Variants in PIWIL3 observed in about 807,000 individuals in gnomAD.
PIWIL3 encodes piwi like RNA-mediated gene silencing 3.
PIWIL3 carries 101 observed loss-of-function variants against 109.7 expected under a neutral mutation model. That is an observed-to-expected ratio of 0.92 (90% CI 0.78 to 1.09). PIWIL3 has a LOEUF of 1.09. PIWIL3 is among the 50% of genes least tolerant of loss of function. The pLI, the probability that PIWIL3 is intolerant of heterozygous loss-of-function variation, is 0.00. For synonymous variants in PIWIL3, 373 were observed against 376.4 expected (o/e 0.99, Z 0.10); for missense variants, 1,031 against 1,072.6 (o/e 0.96, Z 0.54).
intron 14 of PIWIL3, among the ~76,000 whole-genome samples, chr22:24,731,311 C>T (rs922357723): frequency 6.6e-6 from 1 of 152,188 alleles, no homozygotes; most frequent in African/African-American, 2.4e-5. Flanking sequence ...TTTACTGAGT[C>T]TCCAGAAGAA....
chr22:24,756,440 A>G (rs1401530296), intron 5 of PIWIL3, 51 bp downstream of exon 5: 1 of 1,523,476 alleles, frequency 6.6e-7, no homozygotes, highest in Admixed American at 1.8e-5. Flanking sequence ...ATTATAATAA[A>G]GTGAAAACAA....
Position 24,719,824 on chromosome 22 carries a change from T to C in PIWIL3, c.2429A>G (p.Tyr810Cys), listed in dbSNP as rs1922553960. ...ATCTGGGCTCAAGCCAATCGTGTCA[T>C]AGATGACGTTATAATGAGTGGGGGT... ...TVTPTHYNVI[Y>C]DTIGLSPDTV... The change falls in exon 20 of 21, where the codon TAT becomes TGT. Residue 810 changes from tyrosine to cysteine, a missense_variant. Transcript: ENST00000616349. 3 of 1,610,740 alleles carry C rather than the reference T, an allele frequency of 1.9e-6. No homozygotes were observed. Among genetic ancestry groups the C allele is most frequent in the Non-Finnish European group, 2.5e-6 (3 of 1,176,918 alleles).
intron 2 of PIWIL3, 106 bp downstream of exon 2, chr22:24,762,292 C>T (rs928984521): frequency 9.5e-6 from 14 of 1,474,148 alleles, no homozygotes; most frequent in Non-Finnish European, 1.3e-5. Flanking sequence ...TATTAGTCCT[C>T]ACTTAGCACT....
At chr22:24,747,970 A>G (rs1469996482) in intron 12 of PIWIL3, among the ~76,000 whole-genome samples, 1 of 152,218 alleles carries the variant, frequency 6.6e-6, no homozygotes, top group Non-Finnish European at 1.5e-5. Context: ...TATTGAAGAG[A>G]TATCTGTACT....
At chr22:24,736,022 A>G (rs1923637761) in intron 12 of PIWIL3, 130 bp from the exon 13 acceptor site, 1 of 757,222 alleles carries the variant, frequency 1.3e-6, no homozygotes, top group Non-Finnish European at 2.0e-6. Flanking sequence ...TGGCCAATGT[A>G]GGTATTTTTT....
At chr22:24,752,244 G>A (rs1250817313) in intron 8 of PIWIL3, among the ~76,000 whole-genome samples, 1 of 151,996 alleles carries the variant, frequency 6.6e-6, no homozygotes. Context: ...AAATCAAGCT[G>A]CAAACATAGA....
chr22:24,770,602 C>T (rs1248482671), intron 1 of PIWIL3, among the ~76,000 whole-genome samples: 1 of 148,900 alleles, frequency 6.7e-6, no homozygotes, highest in Non-Finnish European at 1.5e-5. Flanking sequence ...GCGGGTGGAT[C>T]ACCTGAGGTC....
rs891253841 is a variant in PIWIL3 at position 24,759,909 on chromosome 22, T to C, written c.183A>G (p.Arg61=). The C allele has an allele frequency of 3.1e-6, 5 of 1,614,134 alleles. No individual in the cohort carries two copies. The highest frequency in any genetic ancestry group is 3.4e-6 in the Non-Finnish European group (4 of 1,180,014). ...EVPVVRPLQP[R]AARGGAGGGA... ...CTCCTCCTGCTCCTCCTCTTGCTGCTCTTGGCTGCAGAGGTCTAACCACTG... is the reference window on the plus strand; with the variant it reads ...CTCCTCCTGCTCCTCCTCTTGCTGCCCTTGGCTGCAGAGGTCTAACCACTG... Residue 61 remains arginine, a synonymous_variant, in exon 3 of 21, where the codon AGA becomes AGG. Coordinates refer to ENST00000616349, the MANE Select transcript of PIWIL3 (RefSeq NM_001255975.1).
In PIWIL3 at chr22:24,719,896, C is replaced by A; in HGVS notation, c.2358-1G>T. 3.1e-6 allele frequency: 5 copies of A among 1,607,174 alleles called. No homozygotes were observed. The highest frequency in any genetic ancestry group is 4.3e-6 in the Non-Finnish European group (5 of 1,174,990). Reference sequence around the variant, plus strand: ...CTGACTCACAATAAAAAAGTCATACCTGGAAATATAGGACATGTGGGTATC... The same window carrying A: ...CTGACTCACAATAAAAAAGTCATACATGGAAATATAGGACATGTGGGTATC... On this transcript the variant is annotated splice_acceptor_variant, in intron 19 of 20. Coordinates refer to ENST00000616349, the MANE Select transcript of PIWIL3 (RefSeq NM_001255975.1). LOFTEE classifies it high-confidence loss of function.
At chr22:24,735,635 T>A in intron 13 of PIWIL3, 73 bp downstream of exon 13, 1 of 1,393,620 alleles carries the variant, frequency 7.2e-7, no homozygotes, top group East Asian at 2.4e-5. Flanking sequence ...ATTCCTACAA[T>A]TTAATATTTT....
At chr22:24,749,044 C>A in intron 11 of PIWIL3, 23 bp from the exon 12 acceptor site, 1 of 1,549,752 alleles carries the variant, frequency 6.5e-7, no homozygotes, top group Non-Finnish European at 8.9e-7. Flanking sequence ...ATATTGCCAA[C>A]ATGATCAAAC....
At chr22:24,721,585 T>C (rs1233616019) in intron 19 of PIWIL3, among the ~76,000 whole-genome samples, 2 of 152,216 alleles carry the variant, frequency 1.3e-5, no homozygotes, top group Non-Finnish European at 2.9e-5. Context: ...CACTGCATTA[T>C]GGGAATTTTG....
At chr22:24,729,922 T>G (rs1002207575) in intron 14 of PIWIL3, among the ~76,000 whole-genome samples, 67 of 151,752 alleles carry the variant, frequency 4.4e-4, no homozygotes, top group Non-Finnish European at 4.4e-5. Context: ...TACTGATGGA[T>G]TCTACTTTTT....
chr22:24,727,873 C>T (rs1923087799), intron 16 of PIWIL3, 77 bp downstream of exon 16: 3 of 1,160,268 alleles, frequency 2.6e-6, no homozygotes, highest in Non-Finnish European at 3.7e-6. Flanking sequence ...TGAGTTAACA[C>T]ATATTAATTA....
At chr22:24,766,956 C>T (rs538255280) in intron 1 of PIWIL3, among the ~76,000 whole-genome samples, 20 of 112,278 alleles carry the variant, frequency 1.8e-4, no homozygotes, top group East Asian at 5.7e-4. Flanking sequence ...ATCAAGACAC[C>T]GTCTCTAAAA....
intron 12 of PIWIL3, among the ~76,000 whole-genome samples, chr22:24,740,787 A>G (rs1388083178): frequency 6.6e-6 from 1 of 152,172 alleles, no homozygotes; most frequent in East Asian, 1.9e-4. Context: ...GCCACCAAAA[A>G]AAGTCCAGGA....
At chr22:24,757,376 C>T (rs1283115223) in intron 4 of PIWIL3, among the ~76,000 whole-genome samples, 3 of 152,152 alleles carry the variant, frequency 2.0e-5, no homozygotes, top group African/African-American at 4.8e-5. Flanking sequence ...CTTTGGGAGG[C>T]CCAGGTGGGA....
intron 12 of PIWIL3, among the ~76,000 whole-genome samples, chr22:24,741,517 C>A (rs1005544266): frequency 3.5e-5 from 5 of 141,552 alleles, no homozygotes; most frequent in African/African-American, 1.1e-4. Context: ...AAAACAAAAA[C>A]AAACAAACAA....
At chr22:24,729,854 A>G (rs1320444343) in intron 14 of PIWIL3, among the ~76,000 whole-genome samples, 2 of 151,862 alleles carry the variant, frequency 1.3e-5, no homozygotes, top group Non-Finnish European at 2.9e-5. Context: ...AAATTTTCAA[A>G]TGACTGGCAT....
Sources: gnomAD v4.1 joint callset for allele counts (sites outside exome capture counted in the v4.1 genomes callset) on GRCh38, gnomAD v4.1.1 for gene constraint, MANE v1.5 for transcripts, NCBI Gene and HGNC (gene_info 2026-07-23, HGNC 2026-07-21) for gene names.